PDE8A: variants seen among roughly 807,000 people sequenced by gnomAD.
The protein encoded by PDE8A is phosphodiesterase 8A.
A neutral mutation model predicts 105.0 loss-of-function variants in PDE8A; 59 were observed. The observed-to-expected ratio is 0.56, with a 90% CI of 0.46 to 0.70. The LOEUF is 0.70. Ranked by LOEUF, PDE8A falls within the 30% of genes least tolerant of loss-of-function variation. The pLI is 0.00. For synonymous variants in PDE8A, 355 were observed against 371.9 expected (o/e 0.95, Z 0.52); for missense variants, 1,014 against 1,045.9 (o/e 0.97, Z 0.42).
At chr15:85,001,219 TC>T (rs1005134363) in intron 1 of PDE8A, among the ~76,000 whole-genome samples, 7 of 152,114 alleles carry the variant, frequency 4.6e-5, no homozygotes, top group African/African-American at 1.7e-4. Context: ...TTGCCAATGC[TC>T]CGCAAGAATT....
In PDE8A at chr15:84,996,823, C is replaced by CAAAAAAA. The variant is rs34363361; in HGVS notation, c.186+14496_186+14502dup. 1.9e-3 allele frequency among the ~76,000 whole-genome samples: 101 copies of CAAAAAAA among 53,800 alleles called. 13 individuals carry two copies. Among genetic ancestry groups the CAAAAAAA allele is most frequent in the African/African-American group, 4.7e-3 (83 of 17,652 alleles). 35.3% of individuals were successfully genotyped at this position (53,800 alleles called of 152,430 possible). ...CCTGGACAACAGAGCAAGACTCTCT[C>CAAAAAAA]AAAAAAAAAAAAAAAAAAAAAAAAA... On this transcript the variant is annotated intron_variant, in intron 1 of 21. Transcript: ENST00000394553.
At chr15:84,989,342 C>G (rs970265961) in intron 1 of PDE8A, among the ~76,000 whole-genome samples, 1 of 152,218 alleles carries the variant, frequency 6.6e-6, no homozygotes, top group Non-Finnish European at 1.5e-5. Context: ...GGAAATAGAC[C>G]TTTGCTGTTT....
intron 20 of PDE8A, among the ~76,000 whole-genome samples, chr15:85,127,649 A>C (rs1282988620): frequency 2.6e-5 from 4 of 152,222 alleles, no homozygotes; most frequent in African/African-American, 4.8e-5. Context: ...GAAAACCATA[A>C]AACATTGCTG....
Position 84,982,094 on chromosome 15 carries a change from G to T in PDE8A, c.-69G>T, listed in dbSNP as rs1230797658. 2.8e-6 allele frequency: 3 copies of T among 1,059,990 alleles called. No individual in the cohort carries two copies. Among genetic ancestry groups the T allele is most frequent in the Non-Finnish European group, 3.6e-6 (3 of 840,652 alleles). The allele number at this position is 1,059,990 out of a possible 1,614,324, so 65.7% of individuals were successfully genotyped here. A position where few individuals can be genotyped will look rare whatever the true frequency, so the allele number is the denominator to read the frequency against. The stretch of plus-strand genomic sequence containing the variant: ...ACACGGCGCCCGCGGCGGCCCGGAG[G>T]CGCCGGGTGGGCCGTTTGCTGACCG... On this transcript the variant is annotated 5_prime_UTR_variant, in exon 1 of 22. Coordinates refer to ENST00000394553, the MANE Select transcript of PDE8A (RefSeq NM_002605.3).
intron 7 of PDE8A, 136 bp from the exon 8 acceptor site, chr15:85,090,908 C>T: frequency 1.4e-6 from 1 of 713,492 alleles, no homozygotes; most frequent in Admixed American, 2.3e-5. Context: ...GGCTTCACAA[C>T]TGCCACGGTG....
At position 85,123,194 on chromosome 15, in the gene PDE8A, G is replaced by A; in HGVS notation, c.2085+1G>A. On this transcript the variant is annotated splice_donor_variant, in intron 19 of 21. Coordinates refer to ENST00000394553, the MANE Select transcript of PDE8A (RefSeq NM_002605.3). LOFTEE classifies it high-confidence loss of function. The stretch of plus-strand genomic sequence containing the variant: ...CTTGGCAACACTAGAAGAAAATGGG[G>A]TAAGGGAAACTTATTGCAAAGAGAA... 6.8e-6 allele frequency: 11 copies of A among 1,613,892 alleles called. No homozygotes were observed. The highest frequency in any genetic ancestry group is 9.3e-6 in the Non-Finnish European group (11 of 1,179,856).
intron 13 of PDE8A, 92 bp from the exon 14 acceptor site, chr15:85,113,781 A>C (rs1219168679): frequency 2.1e-6 from 2 of 972,068 alleles, no homozygotes; most frequent in Non-Finnish European, 3.1e-6. Context: ...CAGCCTCCTG[A>C]GTAGCTGGAA....
intron 1 of PDE8A, among the ~76,000 whole-genome samples, chr15:85,021,098 G>A (rs528653220): frequency 6.6e-6 from 1 of 152,246 alleles, no homozygotes; most frequent in Non-Finnish European, 1.5e-5. Context: ...AATGGGATTA[G>A]TTCCCTTAAA....
intron 8 of PDE8A, among the ~76,000 whole-genome samples, chr15:85,095,680 ATT>A (rs928103426): frequency 6.6e-6 from 1 of 151,516 alleles, no homozygotes; most frequent in Admixed American, 6.6e-5. Flanking sequence ...GTAAGTAAAT[ATT>A]TTTTGTTTCC....
intron 5 of PDE8A, among the ~76,000 whole-genome samples, chr15:85,082,575 C>G (rs1456599149): frequency 2.6e-5 from 4 of 152,104 alleles, no homozygotes; most frequent in Non-Finnish European, 1.5e-5. Flanking sequence ...TCAGACGGGT[C>G]ATTTGCGTTC....
chr15:85,091,036 C>G lies in PDE8A; in HGVS notation c.715-8C>G. ...TCACTTTATGTTTTTTCTTTTGTCT[C>G]CCTTCAGTATGCAAATCCTGCATTT... On this transcript the variant is annotated splice_polypyrimidine_tract_variant and splice_region_variant and intron_variant, in intron 7 of 21. Coordinates refer to ENST00000394553, the MANE Select transcript of PDE8A (RefSeq NM_002605.3). 1.9e-6 allele frequency: 3 copies of G among 1,599,230 alleles called. No homozygotes were observed. The highest frequency in any genetic ancestry group is 2.6e-6 in the Non-Finnish European group (3 of 1,173,768).
At chr15:85,135,041 C>A (rs888802830) in intron 20 of PDE8A, among the ~76,000 whole-genome samples, 1 of 152,172 alleles carries the variant, frequency 6.6e-6, no homozygotes, top group African/African-American at 2.4e-5. Context: ...TCTGACCTGG[C>A]ATCCCCTGGA....
chr15:84,988,503 C>T (rs570622631), intron 1 of PDE8A, among the ~76,000 whole-genome samples: 1 of 152,362 alleles, frequency 6.6e-6, no homozygotes, highest in Non-Finnish European at 1.5e-5. Context: ...AATCTGCCCT[C>T]TTTGCTGTCT....
chr15:85,123,315 T>G, intron 19 of PDE8A, 122 bp downstream of exon 19: 1 of 696,316 alleles, frequency 1.4e-6, no homozygotes, highest in Non-Finnish European at 2.5e-6. Flanking sequence ...ATTAGACTCT[T>G]ACAGGGACAG....
In PDE8A at chr15:85,007,593, G is replaced by C. The variant is rs755006664; in HGVS notation, c.186+25245G>C. Among the ~76,000 whole-genome samples, 46 of 152,012 alleles carry C rather than the reference G, an allele frequency of 3.0e-4. 2 individuals carry two copies. The highest frequency in any genetic ancestry group is 7.4e-5 in the Non-Finnish European group (5 of 67,998). ...TCGGTGCCCCACCACATTGTTTTCA[G>C]ATCTCAGCTCTGCAACTTTATAGCT... On this transcript the variant is annotated intron_variant, in intron 1 of 21. Coordinates refer to ENST00000394553, the MANE Select transcript of PDE8A (RefSeq NM_002605.3).
chr15:85,115,571 A>T (rs926525557), intron 15 of PDE8A, 84 bp downstream of exon 15: 3 of 696,956 alleles, frequency 4.3e-6, no homozygotes. Flanking sequence ...TTTTCACCTC[A>T]TTAAGAAGTT....
rs2079720894 is a variant in PDE8A at position 84,982,125 on chromosome 15, C to T, written c.-38C>T. 5.6e-6 allele frequency: 7 copies of T among 1,258,080 alleles called. No homozygotes were observed. Among genetic ancestry groups the T allele is most frequent in the African/African-American group, 1.6e-5 (1 of 63,960 alleles). 77.9% of individuals were successfully genotyped at this position (1,258,080 alleles called of 1,614,324 possible). On this transcript the variant is annotated 5_prime_UTR_variant, in exon 1 of 22. Coordinates refer to ENST00000394553, the MANE Select transcript of PDE8A (RefSeq NM_002605.3). ...GGTGGGCCGTTTGCTGACCGGATCG[C>T]GGCTACCCGCCAGCGTGTCCGCGGC...
intron 11 of PDE8A, among the ~76,000 whole-genome samples, chr15:85,107,510 G>A (rs1483331134): frequency 6.6e-6 from 1 of 152,208 alleles, no homozygotes; most frequent in Non-Finnish European, 1.5e-5. Context: ...ACAAATGTCT[G>A]AGCTTGGACA....
intron 13 of PDE8A, among the ~76,000 whole-genome samples, 184 bp from the exon 14 acceptor site, chr15:85,113,689 A>G (rs1398323489): frequency 6.6e-6 from 1 of 151,952 alleles, no homozygotes; most frequent in African/African-American, 2.4e-5. Context: ...TTTTGCTGTT[A>G]TTTGTTTTTT....
Sources: allele counts gnomAD v4.1 joint callset (sites outside exome capture counted in the v4.1 genomes callset), GRCh38; gene constraint gnomAD v4.1.1; transcripts MANE v1.5; gene names NCBI Gene and HGNC (gene_info 2026-07-23, HGNC 2026-07-21).